The following TUBGCP4 variants were observed in gnomAD, a reference collection of about 807,000 sequenced individuals.
TUBGCP4 encodes gamma-tubulin complex component 4.
Under a neutral mutation model 91.6 loss-of-function variants are expected in TUBGCP4, and 54 were observed. That is an observed-to-expected ratio of 0.59 (90% CI 0.47 to 0.74). TUBGCP4 has a LOEUF of 0.74. TUBGCP4 is among the 30% of genes least tolerant of loss of function. The probability of loss-of-function intolerance (pLI) is 0.00; values close to 1 mark genes in which losing one functional copy is unlikely to be tolerated. For missense variants in TUBGCP4, 593 were observed against 800.9 expected, an observed-to-expected ratio of 0.74 and a Z score of 3.13; for synonymous variants, 297 against 302.8, an observed-to-expected ratio of 0.98 and a Z score of 0.20.
intron 1 of TUBGCP4, among the ~76,000 whole-genome samples, chr15:43,374,189 G>A (rs1305857763): frequency 1.2e-4 from 19 of 152,096 alleles, no homozygotes; most frequent in Admixed American, 1.2e-3. Context: ...AGTTCCTTTG[G>A]AGCAGTAATT....
chr15:43,404,127 A>C (rs1345662760), intron 16 of TUBGCP4: 2 of 515,286 alleles, frequency 3.9e-6, no homozygotes, highest in African/African-American at 1.9e-5. Context: ...ATCTGCTTGT[A>C]ATCAAAACGG....
chr15:43,371,498 G>C, intron 1 of TUBGCP4, 66 bp downstream of exon 1: 1 of 1,531,202 alleles, frequency 6.5e-7, no homozygotes, highest in Non-Finnish European at 9.0e-7. Context: ...CAGCGCCTGG[G>C]GGAGTAGGCT....
chr15:43,378,013 T>TATTC, intron 5 of TUBGCP4, 110 bp downstream of exon 5: 1 of 797,258 alleles, frequency 1.3e-6, no homozygotes, highest in African/African-American at 1.8e-5. Flanking sequence ...AGTTTTTATT[T>TATTC]ATTCATTCAT....
At position 43,408,285 on chromosome 15, in the gene TUBGCP4, C is replaced by G. The variant is rs1028030204; in HGVS notation, c.*3071C>G. 2 of 552,748 alleles carry G rather than the reference C, an allele frequency of 3.6e-6. No individual in the cohort carries two copies. Among genetic ancestry groups the G allele is most frequent in the Non-Finnish European group, 6.4e-6 (2 of 314,150 alleles). 34.2% of individuals were successfully genotyped at this position (552,748 alleles called of 1,614,324 possible). On this transcript the variant is annotated 3_prime_UTR_variant, in exon 18 of 18. Coordinates refer to ENST00000564079, the MANE Select transcript of TUBGCP4 (RefSeq NM_014444.5). ...TTGGGCCTGGGAGTTCGAGACCAGC[C>G]TGGGCAATGTGGTGAGACCCCATCT...
At chr15:43,389,857 G>C (rs969568639) in intron 9 of TUBGCP4, among the ~76,000 whole-genome samples, 3 of 151,988 alleles carry the variant, frequency 2.0e-5, no homozygotes, top group Non-Finnish European at 1.5e-5. Flanking sequence ...GCAGGCAAGA[G>C]AGCTTCTGTA....
intron 6 of TUBGCP4, among the ~76,000 whole-genome samples, chr15:43,380,751 A>T (rs545474773): frequency 6.6e-6 from 1 of 152,350 alleles, no homozygotes; most frequent in South Asian, 2.1e-4. Context: ...TATAACATGT[A>T]AACTATTTTA....
At chr15:43,384,960 A>G (rs1365760877) in intron 7 of TUBGCP4, among the ~76,000 whole-genome samples, 1 of 152,226 alleles carries the variant, frequency 6.6e-6, no homozygotes, top group East Asian at 1.9e-4. Context: ...TAGAGGGTGG[A>G]ATCAGTAGGC....
intron 9 of TUBGCP4, among the ~76,000 whole-genome samples, chr15:43,388,265 G>A (rs533209519): frequency 2.2e-4 from 33 of 152,186 alleles, no homozygotes; most frequent in Non-Finnish European, 2.9e-4. Flanking sequence ...GAACTGCTAA[G>A]AGCATCAAAT....
At chr15:43,386,729 A>G (rs1407103487) in intron 9 of TUBGCP4, among the ~76,000 whole-genome samples, 15 of 146,530 alleles carry the variant, frequency 1.0e-4, no homozygotes, top group African/African-American at 3.3e-4. Flanking sequence ...TGTCTCCAAA[A>G]AAAAAAAAAA....
intron 1 of TUBGCP4, among the ~76,000 whole-genome samples, chr15:43,372,789 C>T (rs751966099): frequency 2.0e-5 from 3 of 152,214 alleles, no homozygotes; most frequent in Non-Finnish European, 4.4e-5. Context: ...AGCATCCTCC[C>T]CTGATGCCAT....
chr15:43,409,448 C>T lies in TUBGCP4; in HGVS notation c.*4234C>T. ...CCAGCAACAGAACCATAGCCATTAA[C>T]TAACCCAAGGTCCTACCTTCTCTTC... On this transcript the variant is annotated 3_prime_UTR_variant, in exon 18 of 18. Transcript: ENST00000564079. 3.7e-6 allele frequency: 2 copies of T among 536,304 alleles called. No homozygotes were observed. The highest frequency in any genetic ancestry group is 6.6e-6 in the Non-Finnish European group (2 of 303,954). The allele number at this position is 536,304 out of a possible 1,614,324, so 33.2% of individuals were successfully genotyped here. A position where few individuals can be genotyped will look rare whatever the true frequency, so the allele number is the denominator to read the frequency against.
At chr15:43,405,043 A>G in intron 17 of TUBGCP4, 159 bp from the exon 18 acceptor site, 1 of 758,212 alleles carries the variant, frequency 1.3e-6, no homozygotes, top group Non-Finnish European at 2.1e-6. Context: ...AATGTCTGCA[A>G]GCAGATTTTT....
intron 9 of TUBGCP4, chr15:43,394,757 CCTTGCTCTCT>C (rs150543659): frequency 0.015 from 4,529 of 304,904 alleles, 43 homozygotes; most frequent in Admixed American, 0.022. Flanking sequence ...AGCACCTCCC[CCTTGCTCTCT>C]CTTGCTCCTA....
chr15:43,383,593 TC>T, intron 7 of TUBGCP4, 89 bp downstream of exon 7: 2 of 1,205,460 alleles, frequency 1.7e-6, no homozygotes, highest in Non-Finnish European at 1.1e-6. Context: ...CCTTCTTAGC[TC>T]ATAGCTGAGC....
At chr15:43,385,767 G>A (rs770746654) in intron 7 of TUBGCP4, 24 bp from the exon 8 acceptor site, 20 of 1,612,986 alleles carry the variant, frequency 1.2e-5, no homozygotes, top group Admixed American at 1.7e-5. Flanking sequence ...ACTGCATCTC[G>A]ATGTGTACTC....
intron 6 of TUBGCP4, among the ~76,000 whole-genome samples, chr15:43,381,139 G>A (rs553954309): frequency 1.3e-5 from 2 of 152,046 alleles, no homozygotes; most frequent in South Asian, 4.2e-4. Flanking sequence ...TCTAACCACT[G>A]CATGAGTAAA....
chr15:43,380,276 AC>A, intron 6 of TUBGCP4, 113 bp downstream of exon 6: 1 of 969,782 alleles, frequency 1.0e-6, no homozygotes, highest in Non-Finnish European at 1.6e-6. Flanking sequence ...GAAGGTTATA[AC>A]CAGGATAGAA....
chr15:43,402,730 T>G (rs1303425980), intron 15 of TUBGCP4: 1 of 152,312 alleles, frequency 6.6e-6, no homozygotes, highest in African/African-American at 2.4e-5. Flanking sequence ...AGGTACTAAT[T>G]TTTTTTAAAG....
Position 43,371,192 on chromosome 15 carries a change from G to T in TUBGCP4, c.-163G>T, listed in dbSNP as rs911172810. On this transcript the variant is annotated 5_prime_UTR_variant, in exon 1 of 18. Coordinates refer to ENST00000564079, the MANE Select transcript of TUBGCP4 (RefSeq NM_014444.5). ...CCCCGCGACCCCTTCCCAGCTTCCC[G>T]TCCGCTCCGCCGCAGCGATTGTCTC... The T allele has an allele frequency of 1.0e-4, 72 of 710,376 alleles. No homozygotes were observed. The highest frequency in any genetic ancestry group is 1.6e-4 in the Non-Finnish European group (69 of 423,856). 44.0% of individuals were successfully genotyped at this position (710,376 alleles called of 1,614,324 possible).
Sources: gnomAD v4.1 joint callset for allele counts (sites outside exome capture counted in the v4.1 genomes callset) on GRCh38, gnomAD v4.1.1 for gene constraint, MANE v1.5 for transcripts, NCBI Gene and HGNC (gene_info 2026-07-23, HGNC 2026-07-21) for gene names.